The following PLXND1 variants were observed in gnomAD, a reference collection of about 807,000 sequenced individuals.
The protein encoded by PLXND1 is plexin D1.
In PLXND1, 54 loss-of-function variants were observed where a neutral mutation model predicts 197.7. The ratio of observed to expected loss-of-function variants is 0.27; its 90% CI spans 0.22 to 0.34. The LOEUF is 0.34. PLXND1 is among the 10% of genes least tolerant of loss of function. PLXND1 has a pLI of 1.00. For synonymous variants in PLXND1, 1,180 were observed against 1,161.2 expected (o/e 1.02, Z -0.33); for missense variants, 2,127 against 2,699.2 (o/e 0.79, Z 4.70).
At chr3:129,560,562 C>A in intron 30 of PLXND1, 127 bp downstream of exon 30, 1 of 960,684 alleles carries the variant, frequency 1.0e-6, no homozygotes, top group Non-Finnish European at 1.7e-6. Flanking sequence ...GGCCCCATCC[C>A]TACTCCCCCA....
In PLXND1 at chr3:129,571,263, G is replaced by C; in HGVS notation, c.3377C>G (p.Ser1126Cys). 6.2e-7 allele frequency: 1 copy of C among 1,613,870 alleles called. No homozygotes were observed. The highest frequency in any genetic ancestry group is 1.3e-5 in the African/African-American group (1 of 75,062). The change falls in exon 18 of 36, where the codon TCC becomes TGC. Residue 1126 changes from serine (S) to cysteine (C), a missense_variant. Transcript: ENST00000324093. ...VLNSTLITCP[S>C]PGALSNASAP... ...TGATGCGTTGCTCAGGGCCCCGGGG[G>C]ACGGGCAGGTGATGAGGGTGGAGTT...
intron 1 of PLXND1, among the ~76,000 whole-genome samples, chr3:129,592,346 A>G (rs189847046): frequency 1.3e-5 from 2 of 152,322 alleles, no homozygotes; most frequent in Admixed American, 6.5e-5. Flanking sequence ...TAACTAAGTA[A>G]CTTTTTTCAC....
At chr3:129,579,230 C>T (rs1279936346) in intron 8 of PLXND1, among the ~76,000 whole-genome samples, 2 of 152,130 alleles carry the variant, frequency 1.3e-5, no homozygotes, top group African/African-American at 2.4e-5. Context: ...GATTGAGCCT[C>T]CAAGAGCAGT....
chr3:129,586,309 GC>G, intron 3 of PLXND1, 37 bp from the exon 4 acceptor site: 1 of 1,458,476 alleles, frequency 6.9e-7, no homozygotes, highest in Non-Finnish European at 9.3e-7. Context: ...CAATGGGACT[GC>G]CAGCCTCTCC....
rs747272908 is a variant in PLXND1 at position 129,561,815 on chromosome 3, C to T, written c.4914G>A (p.Thr1638=). 55 of 1,612,546 alleles carry T rather than the reference C, an allele frequency of 3.4e-5. No homozygotes were observed. The highest frequency in any genetic ancestry group is 1.5e-4 in the South Asian group (14 of 91,060). ...VVEDGRKKLN[T]LAHYKIPEGA... The stretch of plus-strand genomic sequence containing the variant: ...AGGGCTGCACCTTGTAATGGGCCAG[C>T]GTGTTAAGCTTCTTGCGGCCGTCTT... Residue 1638 remains threonine, a synonymous_variant, in exon 28 of 36, where the codon ACG becomes ACA. Transcript: ENST00000324093.
chr3:129,565,223 C>T (rs764097941), intron 25 of PLXND1, 117 bp downstream of exon 25: 1 of 811,216 alleles, frequency 1.2e-6, no homozygotes, highest in Admixed American at 2.0e-5. Flanking sequence ...GCAACACTCC[C>T]TCCTGGCAGA....
intron 8 of PLXND1, among the ~76,000 whole-genome samples, chr3:129,581,830 C>T (rs1189811842): frequency 2.0e-5 from 3 of 152,214 alleles, no homozygotes; most frequent in Admixed American, 2.0e-4. Context: ...CGGACTGTGA[C>T]GAGGCTGGGT....
Position 129,578,334 on chromosome 3 carries a change from A to G in PLXND1, c.2341T>C (p.Phe781Leu). ...ILVPLANTAF[F>L]QGAALECSFG... ...CTGGCCTGGCTTCTACTTACCTGGAAAAAGGCAGTGTTGGCCAGAGGCACC... is the reference window on the plus strand; with the variant it reads ...CTGGCCTGGCTTCTACTTACCTGGAGAAAGGCAGTGTTGGCCAGAGGCACC... The change falls in exon 9 of 36, where the codon TTC (phenylalanine) becomes CTC (leucine). Residue 781 changes from phenylalanine (F) to leucine (L), a missense_variant. Physicochemically the swap from Phe to Leu is conservative, Grantham distance 22 (BLOSUM62 0). Coordinates refer to ENST00000324093, the MANE Select transcript of PLXND1 (RefSeq NM_015103.3). 6.3e-7 allele frequency: 1 copy of G among 1,598,072 alleles called. No individual in the cohort carries two copies. Among genetic ancestry groups the G allele is most frequent in the Non-Finnish European group, 8.5e-7 (1 of 1,171,872 alleles).
intron 19 of PLXND1, 144 bp downstream of exon 19, chr3:129,570,642 G>T: frequency 1.3e-6 from 1 of 781,996 alleles, no homozygotes; most frequent in East Asian, 2.5e-5. Flanking sequence ...TGTCAAGTGG[G>T]GATGTAAAGC....
chr3:129,562,807 C>T lies in PLXND1; in HGVS notation c.4805G>A (p.Arg1602His), dbSNP rs376955586. Residue 1602 changes from arginine (R) to histidine (H), a missense_variant, in exon 27 of 36, where the codon CGT (arginine) becomes CAT (histidine). Coordinates refer to ENST00000324093, the MANE Select transcript of PLXND1 (RefSeq NM_015103.3). The stretch of plus-strand genomic sequence containing the variant: ...CCCACCAAGGTCGACGTCCTCTGCA[C>T]GCGGCCACTGGGAGTAGGGCACATT... Reference protein sequence around the residue: ...CKNVPYSQWPRAEDVDLEWFA... With the variant: ...CKNVPYSQWPHAEDVDLEWFA... The T allele has an allele frequency of 2.6e-5, 41 of 1,603,038 alleles. No individual in the cohort carries two copies. The highest frequency in any genetic ancestry group is 3.2e-5 in the Non-Finnish European group (38 of 1,170,964).
Position 129,605,647 on chromosome 3 carries a change from G to A in PLXND1, c.993C>T (p.Ala331=). The stretch of plus-strand genomic sequence containing the variant: ...GGATGTAGGACTCGGTGAGCTTCTT[G>A]GCGTCGCCGCCGGCGCCGTGGGGCA... ...ICLPHGAGGD[A]KKLTESYIQL... is the part of the protein sequence containing the mutation. The change falls in exon 1 of 36, where the codon GCC becomes GCT. Residue 331 remains alanine, a synonymous_variant. Transcript: ENST00000324093. 2 of 1,536,742 alleles carry A rather than the reference G, an allele frequency of 1.3e-6. No homozygotes were observed. Among genetic ancestry groups the A allele is most frequent in the Non-Finnish European group, 1.7e-6 (2 of 1,145,336 alleles).
In PLXND1 at chr3:129,557,270, C is replaced by G. The variant is rs77878075; in HGVS notation, c.5446-47G>C. 4,204 of 1,608,540 alleles carry G rather than the reference C, an allele frequency of 2.6e-3. 92 individuals carry two copies. The African/African-American group carries it at 0.049, about 19-fold the overall frequency. ...TGTTAGATGGCTGCTGGAGAAAGGACGGATCTGGTCGTTTTCTGGATGAGC... is the reference window on the plus strand; with the variant it reads ...TGTTAGATGGCTGCTGGAGAAAGGAGGGATCTGGTCGTTTTCTGGATGAGC... On this transcript the variant is annotated intron_variant, in intron 33 of 35. Transcript: ENST00000324093. The surrounding 1 kb of genome is among the most constrained non-coding windows in gnomAD (Gnocchi z 4.8).
At chr3:129,579,396 G>T (rs1476442862) in intron 8 of PLXND1, among the ~76,000 whole-genome samples, 1 of 152,090 alleles carries the variant, frequency 6.6e-6, no homozygotes, top group East Asian at 1.9e-4. Context: ...CAGGCTCCTG[G>T]GATCCATGCT....
intron 1 of PLXND1, among the ~76,000 whole-genome samples, chr3:129,599,227 G>A (rs1187376527): frequency 1.3e-5 from 2 of 152,240 alleles, no homozygotes; most frequent in African/African-American, 2.4e-5. Flanking sequence ...AGTCACAGGC[G>A]GGTGAATCGG....
rs536227272 is a variant in PLXND1 at position 129,578,649 on chromosome 3, G to A, written c.2242-216C>T. On this transcript the variant is annotated intron_variant, in intron 8 of 35. Transcript: ENST00000324093. Reference sequence around the variant, plus strand: ...TCGCATTGGCCCTGTTTAAAGATGAGGAAGGTGGGCACAGGCAGATGGCAT... The same window carrying A: ...TCGCATTGGCCCTGTTTAAAGATGAAGAAGGTGGGCACAGGCAGATGGCAT... 1.7e-4 allele frequency: 92 copies of A among 547,252 alleles called. 1 individual carries two copies. Among genetic ancestry groups the A allele is most frequent in the South Asian group, 1.2e-4 (5 of 43,128 alleles). 33.9% of individuals were successfully genotyped at this position (547,252 alleles called of 1,614,324 possible).
intron 25 of PLXND1, among the ~76,000 whole-genome samples, chr3:129,564,147 A>G (rs529621306): frequency 6.6e-6 from 1 of 152,288 alleles, no homozygotes; most frequent in East Asian, 1.9e-4. Context: ...AGGCACCCCA[A>G]TGGCCCCTCC....
At chr3:129,596,375 T>C (rs2085623331) in intron 1 of PLXND1, among the ~76,000 whole-genome samples, 1 of 152,124 alleles carries the variant, frequency 6.6e-6, no homozygotes, top group East Asian at 1.9e-4. Context: ...AAGCAGCCAT[T>C]GTTTAGTTAG....
At chr3:129,569,091 T>C (rs761723165) in intron 20 of PLXND1, 1 of 152,258 alleles carries the variant, frequency 6.6e-6, no homozygotes, top group Non-Finnish European at 1.5e-5. Flanking sequence ...TAGTGTAATA[T>C]TGTCAAGGTG....
chr3:129,560,587 G>A lies in PLXND1; in HGVS notation c.5028+102C>T, dbSNP rs528782088. 4.5e-4 allele frequency: 459 copies of A among 1,028,550 alleles called. No homozygotes were observed. In the Middle Eastern group the frequency reaches 4.5e-3, roughly 10 times the overall value. 63.7% of individuals were successfully genotyped at this position (1,028,550 alleles called of 1,614,324 possible). A position where few individuals can be genotyped will look rare whatever the true frequency, so the allele number is the denominator to read the frequency against. Reference sequence around the variant, plus strand: ...CTACTCCCCCACCCCCCAGCCTTTCGCAGGGCTGGGAGCACTTTTCCCAAG... The same window carrying A: ...CTACTCCCCCACCCCCCAGCCTTTCACAGGGCTGGGAGCACTTTTCCCAAG... On this transcript the variant is annotated intron_variant, in intron 30 of 35. Coordinates refer to ENST00000324093, the MANE Select transcript of PLXND1 (RefSeq NM_015103.3).
Sources: gnomAD v4.1 joint callset for allele counts (sites outside exome capture counted in the v4.1 genomes callset) on GRCh38, gnomAD v4.1.1 for gene constraint, Gnocchi (gnomAD v3.1) non-coding constraint, MANE v1.5 for transcripts, NCBI Gene and HGNC (gene_info 2026-07-23, HGNC 2026-07-21) for gene names.